Variants in KAZN observed in about 807,000 individuals in gnomAD.
The protein encoded by KAZN is kazrin, periplakin interacting protein, also known as kazrin.
A neutral mutation model predicts 87.4 loss-of-function variants in KAZN; 40 were observed. That is an observed-to-expected ratio of 0.46 (90% CI 0.36 to 0.60). The LOEUF (loss-of-function observed/expected upper bound fraction) is 0.60. Among genes scored for constraint, KAZN ranks in the 20% least tolerant of loss-of-function variants. The pLI is 0.00. For missense variants in KAZN, 898 were observed against 1,073.9 expected, an observed-to-expected ratio of 0.84 and a Z score of 2.29; for synonymous variants, 466 against 458.3, an observed-to-expected ratio of 1.02 and a Z score of -0.22.
chr1:14,811,227 G>A (rs953520617), intron 1 of KAZN, among the ~76,000 whole-genome samples: 1 of 151,024 alleles, frequency 6.6e-6, no homozygotes, highest in Non-Finnish European at 1.5e-5. Context: ...TAATTAGCAC[G>A]TCAGCTTTCT....
intron 1 of KAZN, among the ~76,000 whole-genome samples, chr1:14,931,971 C>T (rs1342668626): frequency 6.6e-6 from 1 of 152,112 alleles, no homozygotes; most frequent in African/African-American, 2.4e-5. Flanking sequence ...GTGCCTTTCT[C>T]AGTCTTGTGA....
intron 6 of KAZN, chr1:15,062,015 C>T (rs1343881335): frequency 6.6e-6 from 1 of 152,182 alleles, no homozygotes; most frequent in South Asian, 2.1e-4. Flanking sequence ...CAGCAGTGTC[C>T]CTGCACCATT....
At position 14,642,151 on chromosome 1, in the gene KAZN, G is replaced by A. The variant is rs180970798; in HGVS notation, c.226+42928G>A. On this transcript the variant is annotated intron_variant, in intron 1 of 14. Transcript: ENST00000376030. ...ATGGTGGCTTAAGCCTGTAATCCCA[G>A]CACTTTGGGAGGCCAAGGCGGGCAG... is the stretch of plus-strand genomic sequence containing the variant. Among the ~76,000 whole-genome samples, 919 of 152,326 alleles carry A rather than the reference G, an allele frequency of 6.0e-3. 6 individuals are homozygous for A. The highest frequency in any genetic ancestry group is 0.021 in the South Asian group (102 of 4,828).
At chr1:14,385,938 G>A (rs1246222279) in intron 2 of KAZN, among the ~76,000 whole-genome samples, 1 of 150,120 alleles carries the variant, frequency 6.7e-6, no homozygotes, top group Non-Finnish European at 1.5e-5. Context: ...TTATTAATGT[G>A]TGGGAGTCTA....
intron 1 of KAZN, among the ~76,000 whole-genome samples, chr1:14,876,834 A>G (rs1557580145): frequency 6.6e-6 from 1 of 152,184 alleles, no homozygotes; most frequent in Non-Finnish European, 1.5e-5. Flanking sequence ...GATTTGGGGA[A>G]GTCTTGTCTT....
At chr1:14,719,456 G>A (rs1006506141) in intron 1 of KAZN, among the ~76,000 whole-genome samples, 1 of 152,228 alleles carries the variant, frequency 6.6e-6, no homozygotes, top group South Asian at 2.1e-4. Context: ...CAGTGCTATG[G>A]AGAAACAGGA....
At chr1:14,805,666 G>A (rs1646187510) in intron 1 of KAZN, among the ~76,000 whole-genome samples, 1 of 151,912 alleles carries the variant, frequency 6.6e-6, no homozygotes, top group Admixed American at 6.6e-5. Context: ...GCTGAGAAAG[G>A]AGGAGAATCA....
At position 15,056,171 on chromosome 1, in the gene KAZN, TGG is replaced by T; in HGVS notation, c.808_809del (p.Gly270GlnfsTer102). 1 of 1,614,168 alleles carries T rather than the reference TGG, an allele frequency of 6.2e-7. No homozygotes were observed. The highest frequency in any genetic ancestry group is 8.5e-7 in the Non-Finnish European group (1 of 1,180,026). On this transcript the variant is annotated frameshift_variant, in exon 5 of 15. Transcript: ENST00000376030. LOFTEE classifies it high-confidence loss of function. This position sits in a 1 kb window ranked among gnomAD's most constrained non-coding sequence, Gnocchi z 5.4. ...CCATGCCGGGCGAGACGGTGCTCAA[TGG>T]CAACCAGGAGTGGGTGGTGCAGGCG... ...LAMPGETVLN[G>X]NQEWVVQADL...
intron 1 of KAZN, among the ~76,000 whole-genome samples, chr1:14,798,058 ACTGT>A (rs1490909240): frequency 2.7e-4 from 41 of 152,146 alleles, no homozygotes; most frequent in Admixed American, 2.6e-3. Context: ...GGTTAAGAAA[ACTGT>A]CTGAGTCATG....
rs1162182789 is a variant in KAZN at position 15,094,600 on chromosome 1, G to A, written c.1428+215G>A. ...TGCCTCATCCTGACAATGGACCCAG[G>A]TTTCCTTTACCTGCCTAAGGGAAAG... is the stretch of plus-strand genomic sequence containing the variant. On this transcript the variant is annotated intron_variant, in intron 9 of 14. Transcript: ENST00000376030. This position sits in a 1 kb window ranked among gnomAD's most constrained non-coding sequence, Gnocchi z 4.5. Among the ~76,000 whole-genome samples, 5 of 152,198 alleles carry A rather than the reference G, an allele frequency of 3.3e-5. No homozygotes were observed.
intron 1 of KAZN, among the ~76,000 whole-genome samples, chr1:13,952,062 G>GT (rs1250532436): frequency 2.0e-5 from 3 of 152,158 alleles, no homozygotes; most frequent in Admixed American, 2.0e-4. Flanking sequence ...GCTGTTGATT[G>GT]TTTGAGGACT....
At chr1:14,370,541 G>C (rs947251956) in intron 2 of KAZN, among the ~76,000 whole-genome samples, 3 of 152,160 alleles carry the variant, frequency 2.0e-5, no homozygotes, top group Admixed American at 6.5e-5. Flanking sequence ...CTTGCTCCTG[G>C]GGGGTATAGA....
chr1:14,112,710 T>C (rs1448168970), intron 1 of KAZN, among the ~76,000 whole-genome samples: 1 of 152,186 alleles, frequency 6.6e-6, no homozygotes, highest in East Asian at 1.9e-4. Flanking sequence ...TGGCTGGTAG[T>C]AGAAGAAGTC....
rs149462642 is a variant in KAZN at position 14,133,377 on chromosome 1, A to AAAAGAAAGAAAG, written c.92-47006_92-46995dup. ...TGAGACTCCCTCTCAAAAAAAAAAAAAAAGAAAGAAAGAAAGAAAGAAAGA... is the reference window on the plus strand; with the variant it reads ...TGAGACTCCCTCTCAAAAAAAAAAAAAAAGAAAGAAAGAAAGAAAGAAAGAAAGAAAGAAAGA... On this transcript the variant is annotated intron_variant, in intron 1 of 16. Transcript: ENST00000636203. Among the ~76,000 whole-genome samples the AAAAGAAAGAAAG allele has an allele frequency of 8.1e-3, 585 of 72,016 alleles. 12 individuals are homozygous for AAAAGAAAGAAAG. The highest frequency in any genetic ancestry group is 0.013 in the Admixed American group (64 of 4,834). 47.2% of individuals were successfully genotyped at this position (72,016 alleles called of 152,430 possible).
intron 1 of KAZN, among the ~76,000 whole-genome samples, chr1:13,963,995 G>A (rs1372735118): frequency 3.9e-5 from 6 of 152,208 alleles, no homozygotes; most frequent in African/African-American, 7.2e-5. Flanking sequence ...TGTTGTGAGA[G>A]TTAAATAGGC....
chr1:14,485,136 A>G (rs904492191), intron 2 of KAZN, among the ~76,000 whole-genome samples: 4 of 152,168 alleles, frequency 2.6e-5, no homozygotes, highest in African/African-American at 9.7e-5. Flanking sequence ...AGAAAAGGGG[A>G]AATTATAAAA....
intron 1 of KAZN, among the ~76,000 whole-genome samples, chr1:14,609,547 C>T (rs955671593): frequency 2.6e-5 from 4 of 152,228 alleles, no homozygotes; most frequent in Admixed American, 6.5e-5. Flanking sequence ...TCAGTGTTAT[C>T]GCATTTATTC....
intron 2 of KAZN, among the ~76,000 whole-genome samples, chr1:14,516,103 G>C (rs11809811): frequency 0.11 from 17,126 of 152,188 alleles, 2,233 homozygotes; most frequent in African/African-American, 0.32. Context: ...GAATTCTCAG[G>C]TGTTTCGCTT....
intron 1 of KAZN, among the ~76,000 whole-genome samples, chr1:14,077,159 G>A: frequency 6.6e-6 from 1 of 152,146 alleles, no homozygotes; most frequent in Middle Eastern, 3.2e-3. Context: ...TGTGTTACAT[G>A]GGGCTTTAGG....
Sources: allele counts gnomAD v4.1 joint callset (sites outside exome capture counted in the v4.1 genomes callset), GRCh38; gene constraint gnomAD v4.1.1; non-coding constraint Gnocchi (gnomAD v3.1); transcripts MANE v1.5; gene names NCBI Gene and HGNC (gene_info 2026-07-23, HGNC 2026-07-21).